The following SPATA17 variants were observed in gnomAD, a reference collection of about 807,000 sequenced individuals.
SPATA17 encodes the protein spermatogenesis associated 17, also known as spermatogenesis-associated protein 17.
A neutral mutation model predicts 62.2 loss-of-function variants in SPATA17; 53 were observed. That is an observed-to-expected ratio of 0.85 (90% confidence interval 0.68 to 1.07). The LOEUF (loss-of-function observed/expected upper bound fraction) is 1.07. Among genes scored for constraint, SPATA17 ranks in the 50% least tolerant of loss-of-function variants. The probability of loss-of-function intolerance (pLI) is 0.00; values close to 1 mark genes in which losing one functional copy is unlikely to be tolerated. For synonymous variants in SPATA17, 146 were observed against 146.8 expected (o/e 0.99, Z 0.04); for missense variants, 466 against 425.5 (o/e 1.10, Z -0.84).
chr1:217,787,130 T>A (rs942265223), intron 8 of SPATA17, among the ~76,000 whole-genome samples: 2 of 152,052 alleles, frequency 1.3e-5, no homozygotes, highest in African/African-American at 4.8e-5. Flanking sequence ...TAAGTTTTTC[T>A]CAAATTCAGC....
At chr1:217,820,589 A>G (rs1158174) in intron 9 of SPATA17, among the ~76,000 whole-genome samples, 151,539 of 151,730 alleles carry the variant, frequency 1, 75,676 homozygotes, top group East Asian at 1. Context: ...CTAAAATTGG[A>G]AGTCAGTTAC....
chr1:217,828,020 A>G (rs1051342107), intron 9 of SPATA17, among the ~76,000 whole-genome samples: 2 of 152,186 alleles, frequency 1.3e-5, no homozygotes, highest in Non-Finnish European at 2.9e-5. Flanking sequence ...CATTTGGCAC[A>G]CGTACCTGGG....
intron 9 of SPATA17, among the ~76,000 whole-genome samples, chr1:217,806,095 A>G (rs983069157): frequency 2.6e-5 from 4 of 152,262 alleles, no homozygotes; most frequent in African/African-American, 9.6e-5. Flanking sequence ...TTTCTATGCC[A>G]AAAGGGAAAA....
chr1:217,823,994 G>A (rs1368892894), intron 9 of SPATA17, among the ~76,000 whole-genome samples: 8 of 151,838 alleles, frequency 5.3e-5, no homozygotes, highest in Non-Finnish European at 1.0e-4. Context: ...TTTCCTTACA[G>A]GTAAAGTAAG....
At chr1:217,845,135 C>G (rs1055295338) in intron 9 of SPATA17, among the ~76,000 whole-genome samples, 5 of 151,996 alleles carry the variant, frequency 3.3e-5, no homozygotes, top group Non-Finnish European at 7.4e-5. Context: ...TTGGTTGAAG[C>G]TGGCAAATAT....
chr1:217,740,513 C>G (rs898826783), intron 5 of SPATA17, among the ~76,000 whole-genome samples: 4 of 152,110 alleles, frequency 2.6e-5, no homozygotes, highest in South Asian at 2.1e-4. Context: ...CCCTCTAACT[C>G]CTGGTTCTTT....
chr1:217,642,509 G>C (rs1184559478), intron 1 of SPATA17, among the ~76,000 whole-genome samples: 1 of 152,064 alleles, frequency 6.6e-6, no homozygotes. Flanking sequence ...ACAAAAAGTT[G>C]CAGACTGATA....
At chr1:217,766,720 C>CTTTTTTTTTTTTTTTTTTT (rs71167423) in intron 6 of SPATA17, among the ~76,000 whole-genome samples, 1 of 131,398 alleles carries the variant, frequency 7.6e-6, no homozygotes. Flanking sequence ...ATATCGTTCT[C>CTTTTTTTTTTTTTTTTTTT]TTTTTTTTTT....
intron 5 of SPATA17, among the ~76,000 whole-genome samples, chr1:217,721,624 A>G (rs1354503259): frequency 1.3e-5 from 2 of 152,142 alleles, no homozygotes; most frequent in Non-Finnish European, 2.9e-5. Context: ...TATTTTTGCC[A>G]TAGCCGTTCT....
In SPATA17 at chr1:217,668,176, T is replaced by C. The variant is rs867250484; in HGVS notation, c.241-857T>C. Among the ~76,000 whole-genome samples the C allele has an allele frequency of 1.4e-3, 209 of 152,352 alleles. 1 individual carries two copies. The highest frequency in any genetic ancestry group is 4.8e-3 in the African/African-American group (198 of 41,590). On this transcript the variant is annotated intron_variant, in intron 3 of 10. Coordinates refer to ENST00000366933, the MANE Select transcript of SPATA17 (RefSeq NM_138796.4). The stretch of plus-strand genomic sequence containing the variant: ...TTGAATAAAAATGGATAAAGTTGTA[T>C]ACCATGTTAAAAATATGTATCTCAT...
chr1:217,756,964 T>A (rs1306853026), intron 6 of SPATA17, among the ~76,000 whole-genome samples: 1 of 152,224 alleles, frequency 6.6e-6, no homozygotes, highest in Non-Finnish European at 1.5e-5. Flanking sequence ...TCATTCTTGA[T>A]CTAATTAGCA....
intron 5 of SPATA17, among the ~76,000 whole-genome samples, chr1:217,715,266 T>C (rs1455848618): frequency 1.3e-5 from 2 of 152,214 alleles, no homozygotes; most frequent in Non-Finnish European, 2.9e-5. Flanking sequence ...TCTTTTTTAC[T>C]CCTGAAGCAT....
chr1:217,857,468 T>C (rs1007437994), intron 9 of SPATA17, among the ~76,000 whole-genome samples: 2 of 152,208 alleles, frequency 1.3e-5, no homozygotes, highest in Non-Finnish European at 2.9e-5. Flanking sequence ...CCGTCTGCTT[T>C]GGCAAGCAAG....
intron 5 of SPATA17, among the ~76,000 whole-genome samples, chr1:217,685,617 A>T (rs1219463237): frequency 1.3e-5 from 2 of 152,168 alleles, no homozygotes; most frequent in Non-Finnish European, 2.9e-5. Flanking sequence ...ACTAACATGC[A>T]TAGAGCTATA....
intron 6 of SPATA17, among the ~76,000 whole-genome samples, chr1:217,765,490 C>G (rs1273579136): frequency 6.6e-6 from 1 of 151,688 alleles, no homozygotes; most frequent in African/African-American, 2.4e-5. Context: ...TTCAAAAAAT[C>G]TAAAATTTTC....
At position 217,785,440 on chromosome 1, in the gene SPATA17, C is replaced by T. The variant is rs559551518; in HGVS notation, c.872+3118C>T. Among the ~76,000 whole-genome samples, 148 of 152,152 alleles carry T rather than the reference C, an allele frequency of 9.7e-4. 1 individual carries two copies. The highest frequency in any genetic ancestry group is 3.5e-3 in the African/African-American group (147 of 41,526). ...AGAGGAAGCAAGCACATCTTCACAT[C>T]GTGGCAGGAGACAGAGAGCAAAGGG... On this transcript the variant is annotated intron_variant, in intron 8 of 10. Coordinates refer to ENST00000366933, the MANE Select transcript of SPATA17 (RefSeq NM_138796.4).
chr1:217,703,059 A>G (rs1272141043), intron 5 of SPATA17, among the ~76,000 whole-genome samples: 2 of 151,920 alleles, frequency 1.3e-5, no homozygotes, highest in African/African-American at 4.8e-5. Context: ...TATTTTTAGT[A>G]GAAACGGGGC....
At chr1:217,844,522 A>G (rs1415285907) in intron 9 of SPATA17, among the ~76,000 whole-genome samples, 1 of 152,126 alleles carries the variant, frequency 6.6e-6, no homozygotes, top group Non-Finnish European at 1.5e-5. Context: ...GGAATGGGGT[A>G]TTTGAGAACT....
chr1:217,677,176 A>C (rs1261446992), intron 4 of SPATA17, among the ~76,000 whole-genome samples: 1 of 152,086 alleles, frequency 6.6e-6, no homozygotes, highest in Non-Finnish European at 1.5e-5. Flanking sequence ...TTATTGGCTT[A>C]TTTCCCCTTA....
Sources: gnomAD v4.1 joint callset for allele counts (sites outside exome capture counted in the v4.1 genomes callset) on GRCh38, gnomAD v4.1.1 for gene constraint, MANE v1.5 for transcripts, NCBI Gene and HGNC (gene_info 2026-07-23, HGNC 2026-07-21) for gene names.